KCNC1: variants seen among roughly 807,000 people sequenced by gnomAD.
KCNC1 encodes voltage-gated potassium channel KCNC1.
KCNC1 carries 8 observed loss-of-function variants against 43.4 expected under a neutral mutation model. The observed-to-expected ratio is 0.18, with a 90% CI of 0.11 to 0.33. The LOEUF is 0.33. Ranked by LOEUF, KCNC1 falls within the 10% of genes least tolerant of loss-of-function variation. KCNC1 has a pLI of 1.00. For synonymous variants in KCNC1, 361 were observed against 360.5 expected (o/e 1.00, Z -0.01); for missense variants, 420 against 836.0 (o/e 0.50, Z 6.14).
chr11:17,763,503 A>G (rs1590102330), intron 1 of KCNC1, among the ~76,000 whole-genome samples: 1 of 138,110 alleles, frequency 7.2e-6, no homozygotes, highest in Non-Finnish European at 1.6e-5. Flanking sequence ...CCCCACACAC[A>G]CTCCCCACGC....
chr11:17,762,104 C>T (rs1849084552), intron 1 of KCNC1, among the ~76,000 whole-genome samples: 2 of 152,230 alleles, frequency 1.3e-5, no homozygotes, highest in Non-Finnish European at 2.9e-5. Flanking sequence ...TCCTCAGGGA[C>T]ACCCTCTCCC....
At position 17,773,672 on chromosome 11, in the gene KCNC1, A is replaced by G. The variant is rs1472402310; in HGVS notation, c.1504+1074A>G. On this transcript the variant is annotated intron_variant, in intron 2 of 3. Coordinates refer to ENST00000265969, the MANE Select transcript of KCNC1 (RefSeq NM_001112741.2). This position sits in a 1 kb window ranked among gnomAD's most constrained non-coding sequence, Gnocchi z 4.1. ...CTCAGTTTTATGAGAACCTGCACAT[A>G]GCACATAAAGTTGATCATGGGGCTC... The G allele has an allele frequency of 1.0e-6, 1 of 985,316 alleles. No individual in the cohort carries two copies. Among genetic ancestry groups the G allele is most frequent in the East Asian group, 1.1e-4 (1 of 8,830 alleles). The allele number at this position is 985,316 out of a possible 1,614,324, so 61.0% of individuals were successfully genotyped here. A position where few individuals can be genotyped will look rare whatever the true frequency, so the allele number is the denominator to read the frequency against.
In KCNC1 at chr11:17,735,212, C is replaced by T. The variant is rs1306069190; in HGVS notation, c.-791C>T. The T allele has an allele frequency of 1.3e-5, 2 of 152,072 alleles. No homozygotes were observed. Among genetic ancestry groups the T allele is most frequent in the Non-Finnish European group, 2.9e-5 (2 of 68,004 alleles). 9.4% of individuals were successfully genotyped at this position (152,072 alleles called of 1,614,324 possible). A position where few individuals can be genotyped will look rare whatever the true frequency, so the allele number is the denominator to read the frequency against. On this transcript the variant is annotated 5_prime_UTR_variant, in exon 1 of 4. Coordinates refer to ENST00000265969, the MANE Select transcript of KCNC1 (RefSeq NM_001112741.2). This position sits in a 1 kb window ranked among gnomAD's most constrained non-coding sequence, Gnocchi z 6.7. ...GGAGAGCAGCGCTCGGCGTTAGCCG[C>T]ACGAGCAACACCCCGGGTGCCCCTG...
chr11:17,779,563 G>A lies in KCNC1; in HGVS notation c.1612G>A (p.Gly538Ser), dbSNP rs756811630. Residue 538 changes from glycine to serine, a missense_variant, in exon 3 of 4, where the codon GGC becomes AGC. Physicochemically the swap from Gly to Ser is moderately conservative, Grantham distance 56 (BLOSUM62 0). This residue lies in a region of KCNC1 where 147 missense variants were observed against 176.1 expected (regional missense o/e 0.83). Transcript: ENST00000265969. The surrounding 1 kb of genome is among the most constrained non-coding windows in gnomAD (Gnocchi z 7.2). ...TGAGGGCCTGCCCTTTACGCGCTCG[G>A]GCACCCGCGAGAGATACGGACCCTG... ...PDEGLPFTRSGTRERYGPCFL... is the reference protein window; with the variant it reads ...PDEGLPFTRSSTRERYGPCFL... The A allele has an allele frequency of 6.4e-6, 10 of 1,551,538 alleles. No homozygotes were observed. In the South Asian group the frequency reaches 1.1e-4, roughly 17 times the overall value.
At chr11:17,772,716 T>G (rs1444334112) in intron 2 of KCNC1, 118 bp downstream of exon 2, 2 of 1,523,110 alleles carry the variant, frequency 1.3e-6, no homozygotes, top group African/African-American at 2.8e-5. Context: ...GACCCCGCAC[T>G]CAGTCTGGAG....
chr11:17,747,159 C>T (rs1216469552), intron 1 of KCNC1, among the ~76,000 whole-genome samples: 1 of 152,140 alleles, frequency 6.6e-6, no homozygotes, highest in Non-Finnish European at 1.5e-5. Flanking sequence ...AGTCTGTCTA[C>T]CAGGGGCAGA....
chr11:17,736,623 G>A lies in KCNC1; in HGVS notation c.570+51G>A, dbSNP rs1196485679. 15 of 1,449,548 alleles carry A rather than the reference G, an allele frequency of 1.0e-5. No homozygotes were observed. The South Asian group carries it at 2.2e-4, about 21-fold the overall frequency. 89.8% of individuals were successfully genotyped at this position (1,449,548 alleles called of 1,614,324 possible). On this transcript the variant is annotated intron_variant, in intron 1 of 3. Coordinates refer to ENST00000265969, the MANE Select transcript of KCNC1 (RefSeq NM_001112741.2). This position sits in a 1 kb window ranked among gnomAD's most constrained non-coding sequence, Gnocchi z 9.3. Reference sequence around the variant, plus strand: ...GAGCGGGGCGGGAAGGCAGCGTCCTGTGCCTCCCCGCGGGCAGGGGTGGAC... The same window carrying A: ...GAGCGGGGCGGGAAGGCAGCGTCCTATGCCTCCCCGCGGGCAGGGGTGGAC...
At chr11:17,780,888 C>G (rs561509521) in intron 3 of KCNC1, 1 of 152,376 alleles carries the variant, frequency 6.6e-6, no homozygotes, top group Non-Finnish European at 1.5e-5. Flanking sequence ...CGCAACTCCC[C>G]GCATGGTGCT....
At chr11:17,746,564 C>G (rs1848902392) in intron 1 of KCNC1, among the ~76,000 whole-genome samples, 1 of 152,088 alleles carries the variant, frequency 6.6e-6, no homozygotes, top group South Asian at 2.1e-4. Flanking sequence ...CCTCCTTGTC[C>G]CCTTTCCTCT....
intron 1 of KCNC1, among the ~76,000 whole-genome samples, chr11:17,770,887 G>A (rs1849217839): frequency 6.6e-6 from 1 of 152,158 alleles, no homozygotes; most frequent in Non-Finnish European, 1.5e-5. Flanking sequence ...GATCCCTGGT[G>A]CAATTCTCCT....
intron 1 of KCNC1, among the ~76,000 whole-genome samples, chr11:17,745,857 T>C (rs1217175488): frequency 6.6e-6 from 1 of 152,306 alleles, no homozygotes; most frequent in Non-Finnish European, 1.5e-5. Context: ...CCCCACTTCG[T>C]GCTTTGCTCT....
chr11:17,738,419 C>T (rs969984360), intron 1 of KCNC1, among the ~76,000 whole-genome samples: 4 of 152,160 alleles, frequency 2.6e-5, no homozygotes, highest in African/African-American at 9.7e-5. Context: ...GCCCATTCAG[C>T]CCACACTTGA....
Position 17,771,521 on chromosome 11 carries a change from C to T in KCNC1, c.571-144C>T. The T allele has an allele frequency of 1.4e-6, 1 of 728,018 alleles. No homozygotes were observed. The highest frequency in any genetic ancestry group is 2.3e-6 in the Non-Finnish European group (1 of 433,650). 45.1% of individuals were successfully genotyped at this position (728,018 alleles called of 1,614,324 possible). On this transcript the variant is annotated intron_variant, in intron 1 of 3. Transcript: ENST00000265969. The surrounding 1 kb of genome is among the most constrained non-coding windows in gnomAD (Gnocchi z 4.7). ...CTGACGGTCGTGCAGGCCCCCTGTG[C>T]CCTGAGGAGGGAAATGTAGCACGTG...
chr11:17,772,147 C>T lies in KCNC1; in HGVS notation c.1053C>T (p.Phe351=). 1 of 1,614,150 alleles carries T rather than the reference C, an allele frequency of 6.2e-7. No homozygotes were observed. Among genetic ancestry groups the T allele is most frequent in the Non-Finnish European group, 8.5e-7 (1 of 1,180,032 alleles). ...ACGAGTTCCTGCTGCTCATCATCTT[C>T]CTGGCCTTGGGCGTGCTGATCTTCG... is the stretch of plus-strand genomic sequence containing the variant. The part of the protein sequence containing the change: ...STNEFLLLII[F]LALGVLIFAT... The change falls in exon 2 of 4, where the codon TTC becomes TTT. Residue 351 remains phenylalanine (F), a synonymous_variant. Coordinates refer to ENST00000265969, the MANE Select transcript of KCNC1 (RefSeq NM_001112741.2).
chr11:17,768,624 C>T (rs960376147), intron 1 of KCNC1, among the ~76,000 whole-genome samples: 2 of 53,180 alleles, frequency 3.8e-5, no homozygotes, highest in South Asian at 1.5e-3. Flanking sequence ...GGGGGGGGGG[C>T]GGTTTGGGAA....
At chr11:17,749,543 G>A (rs887558908) in intron 1 of KCNC1, among the ~76,000 whole-genome samples, 1 of 152,154 alleles carries the variant, frequency 6.6e-6, no homozygotes, top group African/African-American at 2.4e-5. Context: ...ACACACCTCA[G>A]GCCACAGCCA....
rs1430964297 is a variant in KCNC1 at position 17,748,402 on chromosome 11, C to T, written c.570+11830C>T. 2.0e-5 allele frequency among the ~76,000 whole-genome samples: 3 copies of T among 151,956 alleles called. No homozygotes were observed. The East Asian group carries it at 5.8e-4, about 29-fold the overall frequency. ...ATATCAGAAGGGGTGGTGCTCCTTCCACACAGACAGAAAGATGGAGGAATG... is the reference window on the plus strand; with the variant it reads ...ATATCAGAAGGGGTGGTGCTCCTTCTACACAGACAGAAAGATGGAGGAATG... On this transcript the variant is annotated intron_variant, in intron 1 of 3. Transcript: ENST00000265969.
intron 1 of KCNC1, among the ~76,000 whole-genome samples, chr11:17,745,232 C>T (rs778664442): frequency 2.6e-5 from 4 of 152,098 alleles, no homozygotes; most frequent in Admixed American, 6.5e-5. Context: ...ACAAGCAAGC[C>T]GCTCCTTCCT....
intron 2 of KCNC1, chr11:17,772,833 T>A: frequency 7.1e-7 from 1 of 1,404,112 alleles, no homozygotes; most frequent in Non-Finnish European, 9.2e-7. Context: ...TTGACGCGGT[T>A]GGTCTCGTGA....
Sources: gnomAD v4.1 joint callset for allele counts (sites outside exome capture counted in the v4.1 genomes callset) on GRCh38, gnomAD v4.1.1 for gene constraint, gnomAD v4.1.1 regional missense constraint, Gnocchi (gnomAD v3.1) non-coding constraint, MANE v1.5 for transcripts, NCBI Gene and HGNC (gene_info 2026-07-23, HGNC 2026-07-21) for gene names.